The following PALM2AKAP2 variants were observed in gnomAD, a reference collection of about 807,000 sequenced individuals.
The protein encoded by PALM2AKAP2 is PALM2-AKAP2 fusion protein.
In PALM2AKAP2, 37 loss-of-function variants were observed where a neutral mutation model predicts 71.5. The ratio of observed to expected loss-of-function variants is 0.52; its 90% CI spans 0.40 to 0.68. The LOEUF (loss-of-function observed/expected upper bound fraction) is 0.68, where lower values mean the gene tolerates loss of function less well. Among genes scored for constraint, PALM2AKAP2 ranks in the 30% least tolerant of loss-of-function variants. PALM2AKAP2 has a pLI of 0.00. For missense variants in PALM2AKAP2, 1,224 were observed against 1,191.8 expected, an observed-to-expected ratio of 1.03 and a Z score of -0.40; for synonymous variants, 468 against 478.8, an observed-to-expected ratio of 0.98 and a Z score of 0.29.
At chr9:109,861,108 C>G (rs1829294027) in intron 1 of PALM2AKAP2, among the ~76,000 whole-genome samples, 1 of 152,228 alleles carries the variant, frequency 6.6e-6, no homozygotes, top group African/African-American at 2.4e-5. Context: ...TCAGCGCAAG[C>G]TAGAATGGGG....
At chr9:109,848,177 A>G (rs1337270387) in intron 1 of PALM2AKAP2, among the ~76,000 whole-genome samples, 1 of 152,170 alleles carries the variant, frequency 6.6e-6, no homozygotes, top group African/African-American at 2.4e-5. Flanking sequence ...TTAATCTCCT[A>G]TGGCTCTTCT....
intron 1 of PALM2AKAP2, among the ~76,000 whole-genome samples, chr9:109,739,952 C>T (rs929908437): frequency 1.1e-4 from 17 of 152,192 alleles, no homozygotes; most frequent in African/African-American, 4.1e-4. Context: ...AAGCTGGCCA[C>T]GTAGGCCTTT....
intron 1 of PALM2AKAP2, among the ~76,000 whole-genome samples, chr9:110,127,260 T>C (rs1449724288): frequency 6.6e-6 from 1 of 151,970 alleles, no homozygotes; most frequent in Admixed American, 6.6e-5. Context: ...CCAAGAAGTG[T>C]TTTTAGTATC....
intron 1 of PALM2AKAP2, among the ~76,000 whole-genome samples, chr9:110,084,345 G>A (rs1287232033): frequency 6.6e-6 from 1 of 152,164 alleles, no homozygotes; most frequent in African/African-American, 2.4e-5. Flanking sequence ...CCCTCATATG[G>A]TGAGGGCATA....
intron 6 of PALM2AKAP2, among the ~76,000 whole-genome samples, chr9:109,961,885 C>T (rs1019575869): frequency 1.3e-5 from 2 of 152,182 alleles, no homozygotes; most frequent in Admixed American, 1.3e-4. Flanking sequence ...AAAGGAACAG[C>T]AGAACCACTA....
chr9:110,009,258 A>G (rs138283976), intron 6 of PALM2AKAP2, among the ~76,000 whole-genome samples: 1 of 151,842 alleles, frequency 6.6e-6, no homozygotes, highest in Non-Finnish European at 1.5e-5. Flanking sequence ...TGACCCTTTA[A>G]TTTTACTTTT....
At chr9:109,991,289 T>G (rs1214012054) in intron 6 of PALM2AKAP2, among the ~76,000 whole-genome samples, 1 of 151,652 alleles carries the variant, frequency 6.6e-6, no homozygotes, top group Non-Finnish European at 1.5e-5. Context: ...CAGGCTGGAG[T>G]GTGGTGGCGT....
intron 1 of PALM2AKAP2, among the ~76,000 whole-genome samples, chr9:109,708,351 C>G (rs1828173795): frequency 6.6e-6 from 1 of 152,162 alleles, no homozygotes; most frequent in Non-Finnish European, 1.5e-5. Context: ...TACCCTTAAT[C>G]TGGAGGCTGA....
At chr9:110,136,638 A>G in exon 2 of PALM2AKAP2, 3 of 1,614,120 alleles carry the variant, frequency 1.9e-6, no homozygotes, top group Admixed American at 1.7e-5. Flanking sequence ...ACAAATGGCC[A>G]TTCCCCCAGC....
chr9:109,852,510 G>A lies in PALM2AKAP2; in HGVS notation c.46-14981G>A, dbSNP rs140776208. 4.4e-4 allele frequency among the ~76,000 whole-genome samples: 67 copies of A among 152,250 alleles called. No homozygotes were observed. In the East Asian group the frequency reaches 0.011, roughly 25 times the overall value. On this transcript the variant is annotated intron_variant, in intron 1 of 9. Coordinates refer to the PALM2AKAP2 transcript ENST00000302798. ...TGCTGTGATGAACATACGAGTACATGCCCTTTTGATAGTATGACTTATCCT... is the reference window on the plus strand; with the variant it reads ...TGCTGTGATGAACATACGAGTACATACCCTTTTGATAGTATGACTTATCCT...
chr9:109,836,827 G>A (rs1474629532), intron 1 of PALM2AKAP2, among the ~76,000 whole-genome samples: 1 of 152,076 alleles, frequency 6.6e-6, no homozygotes, highest in Non-Finnish European at 1.5e-5. Flanking sequence ...GAAGTTTAGA[G>A]AAAAAAGAGT....
intron 7 of PALM2AKAP2, among the ~76,000 whole-genome samples, chr9:110,018,363 C>CT (rs1833018860): frequency 6.6e-6 from 1 of 152,058 alleles, no homozygotes; most frequent in Non-Finnish European, 1.5e-5. Context: ...GAGTCTTGCT[C>CT]TGTCACCCAG....
At chr9:110,154,179 C>A (rs1186067571) in intron 2 of PALM2AKAP2, among the ~76,000 whole-genome samples, 3 of 152,128 alleles carry the variant, frequency 2.0e-5, no homozygotes, top group Non-Finnish European at 4.4e-5. Flanking sequence ...GAATATTAAC[C>A]TTATAAATAT....
intron 1 of PALM2AKAP2, among the ~76,000 whole-genome samples, chr9:109,693,050 G>A (rs981071522): frequency 1.3e-5 from 2 of 151,734 alleles, no homozygotes; most frequent in Admixed American, 6.6e-5. Context: ...TGTAGAATTG[G>A]CATTGCACTC....
chr9:109,949,134 G>A (rs949424626), intron 6 of PALM2AKAP2, among the ~76,000 whole-genome samples: 5 of 152,190 alleles, frequency 3.3e-5, no homozygotes, highest in African/African-American at 9.6e-5. Context: ...ACTTCTGCCC[G>A]TCTACCAACC....
upstream of PALM2AKAP2, among the ~76,000 whole-genome samples, chr9:109,776,859 T>C (rs985237530): frequency 6.6e-6 from 1 of 152,230 alleles, no homozygotes; most frequent in Non-Finnish European, 1.5e-5. Context: ...CACAAGCTTT[T>C]TTTATTGTGG....
intron 6 of PALM2AKAP2, among the ~76,000 whole-genome samples, chr9:109,974,316 G>A (rs371764265): frequency 5.9e-5 from 9 of 152,186 alleles, no homozygotes; most frequent in Admixed American, 1.3e-4. Flanking sequence ...TGTTGCTAAC[G>A]GGACTGGACA....
chr9:110,140,258 C>T (rs183751679), intron 2 of PALM2AKAP2, among the ~76,000 whole-genome samples: 4 of 152,316 alleles, frequency 2.6e-5, no homozygotes, highest in East Asian at 3.9e-4. Context: ...TTACAGCTCA[C>T]GGGAGCCCTT....
At chr9:110,137,200 A>G in exon 2 of PALM2AKAP2, 1 of 1,614,166 alleles carries the variant, frequency 6.2e-7, no homozygotes, top group South Asian at 1.1e-5. Flanking sequence ...CAGAGCAGAT[A>G]GATTTCTCTG....
Sources: gnomAD v4.1 joint callset for allele counts (sites outside exome capture counted in the v4.1 genomes callset) on GRCh38, gnomAD v4.1.1 for gene constraint, MANE v1.5 for transcripts, NCBI Gene and HGNC (gene_info 2026-07-23, HGNC 2026-07-21) for gene names.